The following LPP variants were observed in gnomAD, a reference collection of about 807,000 sequenced individuals.
The protein encoded by LPP is LIM domain containing preferred translocation partner in lipoma, also known as lipoma-preferred partner.
LPP carries 38 observed loss-of-function variants against 60.4 expected under a neutral mutation model. The ratio of observed to expected loss-of-function variants is 0.63; its 90% confidence interval spans 0.49 to 0.83. LPP has a LOEUF of 0.83. Among genes scored for constraint, LPP ranks in the 40% least tolerant of loss-of-function variants. The pLI is 0.00. For synonymous variants in LPP, 328 were observed against 290.8 expected (o/e 1.13, Z -1.30); for missense variants, 902 against 783.6 (o/e 1.15, Z -1.80).
chr3:188,738,253 G>A (rs996565608), intron 8 of LPP, among the ~76,000 whole-genome samples: 4 of 152,012 alleles, frequency 2.6e-5, no homozygotes, highest in African/African-American at 9.7e-5. Flanking sequence ...ACTCCTTTGC[G>A]AAAACAACAA....
intron 8 of LPP, among the ~76,000 whole-genome samples, chr3:188,720,471 A>G (rs1226302651): frequency 6.6e-6 from 1 of 152,182 alleles, no homozygotes; most frequent in Non-Finnish European, 1.5e-5. Flanking sequence ...ATGCTGAAAT[A>G]GTTCATGAGA....
intron 9 of LPP, among the ~76,000 whole-genome samples, chr3:188,837,703 C>T (rs1440534710): frequency 1.3e-5 from 2 of 152,060 alleles, no homozygotes; most frequent in African/African-American, 4.8e-5. Context: ...ACCTTGCTTT[C>T]CAGAATCTTT....
Position 188,352,844 on chromosome 3 carries a change from C to T in LPP, c.-10+11125C>T, listed in dbSNP as rs972884951. On this transcript the variant is annotated intron_variant, in intron 3 of 11. Transcript: ENST00000617246. This position sits in a 1 kb window ranked among gnomAD's most constrained non-coding sequence, Gnocchi z 4.4. ...GAGTAACTCAGTGCAGAGGCAGCGA[C>T]GGGAAAGTGAAGGAGAGTAAGAAGC... Among the ~76,000 whole-genome samples the T allele has an allele frequency of 2.0e-5, 3 of 152,136 alleles. No homozygotes were observed. The highest frequency in any genetic ancestry group is 4.4e-5 in the Non-Finnish European group (3 of 68,030).
At chr3:188,191,666 CA>C (rs1354156610) in intron 1 of LPP, among the ~76,000 whole-genome samples, 1 of 152,140 alleles carries the variant, frequency 6.6e-6, no homozygotes, top group African/African-American at 2.4e-5. Context: ...CACTGTGAGC[CA>C]GGTGGTGGCT....
At chr3:188,482,894 G>T (rs544549171) in intron 4 of LPP, among the ~76,000 whole-genome samples, 4 of 152,236 alleles carry the variant, frequency 2.6e-5, no homozygotes, top group Non-Finnish European at 5.9e-5. Context: ...CAAAGGCATC[G>T]ATCACACAGG....
intron 1 of LPP, among the ~76,000 whole-genome samples, chr3:188,154,736 AAGC>A (rs1478631134): frequency 1.3e-5 from 2 of 152,156 alleles, no homozygotes; most frequent in Admixed American, 6.5e-5. Context: ...CCCTTTCTCT[AAGC>A]ATTTCTCTAG....
At chr3:188,305,550 T>C (rs146246578) in intron 2 of LPP, among the ~76,000 whole-genome samples, 96 of 152,300 alleles carry the variant, frequency 6.3e-4, no homozygotes, top group Admixed American at 1.2e-3. Context: ...CTTGGTCTTC[T>C]ATTTCAGTTG....
At chr3:188,303,681 G>A (rs13061167) in intron 2 of LPP, among the ~76,000 whole-genome samples, 18,352 of 151,604 alleles carry the variant, frequency 0.12, 1,558 homozygotes, top group East Asian at 0.35. Flanking sequence ...CAGGGCACTT[G>A]TGGTGAATAA....
chr3:188,250,962 C>G, intron 2 of LPP, among the ~76,000 whole-genome samples: 1 of 32,680 alleles, frequency 3.1e-5, no homozygotes, highest in East Asian at 9.1e-4. Context: ...CCCTTCCCTT[C>G]CCTTCCCTTC....
Position 188,251,657 on chromosome 3 carries a change from A to C in LPP, c.-67+26130A>C, listed in dbSNP as rs188997627. On this transcript the variant is annotated intron_variant, in intron 2 of 11. Coordinates refer to ENST00000617246, the MANE Select transcript of LPP (RefSeq NM_001375462.1). ...AAAACAAATCTGTGAAAAAGAGTTG[A>C]GGATTTGCTTATGGTGCTCCTCCTT... Among the ~76,000 whole-genome samples, 4 of 152,232 alleles carry C rather than the reference A, an allele frequency of 2.6e-5. No homozygotes were observed. In the East Asian group the frequency reaches 7.7e-4, roughly 29 times the overall value.
chr3:188,627,912 A>T (rs1339771717), intron 7 of LPP, among the ~76,000 whole-genome samples: 2 of 152,132 alleles, frequency 1.3e-5, no homozygotes, highest in Admixed American at 6.5e-5. Context: ...CATACCAACC[A>T]CATTCTCAGA....
At chr3:188,614,616 G>A (rs978328060) in intron 7 of LPP, among the ~76,000 whole-genome samples, 3 of 152,188 alleles carry the variant, frequency 2.0e-5, no homozygotes, top group Non-Finnish European at 2.9e-5. Flanking sequence ...AAAGCCCAGT[G>A]ATGAGAGCCA....
At chr3:188,311,410 C>T (rs1008558452) in intron 2 of LPP, among the ~76,000 whole-genome samples, 3 of 152,014 alleles carry the variant, frequency 2.0e-5, no homozygotes, top group African/African-American at 7.3e-5. Flanking sequence ...GAGTTCAAGG[C>T]TGCAGTGAGC....
chr3:188,265,237 C>T (rs545272664), intron 2 of LPP, among the ~76,000 whole-genome samples: 65 of 152,090 alleles, frequency 4.3e-4, no homozygotes, highest in Admixed American at 7.2e-4. Flanking sequence ...TTGAGTTTAT[C>T]GCTAAAGATG....
At chr3:188,575,007 T>C (rs1834305017) in intron 6 of LPP, among the ~76,000 whole-genome samples, 1 of 152,070 alleles carries the variant, frequency 6.6e-6, no homozygotes, top group South Asian at 2.1e-4. Flanking sequence ...TATTTACAGC[T>C]ATGAAACATT....
rs796527201 is a variant in LPP, at chr3:188,507,471, AT to A, written c.307-17182del. Among the ~76,000 whole-genome samples the A allele has an allele frequency of 3.0e-3, 444 of 146,748 alleles. 1 individual carries two copies. The highest frequency in any genetic ancestry group is 8.0e-3 in the African/African-American group (321 of 40,350). On this transcript the variant is annotated intron_variant, in intron 5 of 11. Transcript: ENST00000617246. Reference sequence around the variant, plus strand: ...AAAGGGGGAAAAAATAAATATGGGAATTTTTTTTTTTTGTAGTGAAAATAGT... The same window carrying A: ...AAAGGGGGAAAAAATAAATATGGGAATTTTTTTTTTTGTAGTGAAAATAGT...
At chr3:188,578,796 ACACAACACATTGGCTAGCAGAGGAGCC>A (rs1172983399) in intron 6 of LPP, among the ~76,000 whole-genome samples, 1 of 152,078 alleles carries the variant, frequency 6.6e-6, no homozygotes, top group Non-Finnish European at 1.5e-5. Flanking sequence ...CTGCTATTAC[ACACAACACATTGGCTAGCAGAGGAGCC>A]AGGATTCAGC....
At chr3:188,521,206 T>C (rs1187099378) in intron 5 of LPP, among the ~76,000 whole-genome samples, 2 of 152,180 alleles carry the variant, frequency 1.3e-5, no homozygotes, top group Non-Finnish European at 1.5e-5. Flanking sequence ...TCCCCTGTTA[T>C]CCAGTTTTTG....
At position 188,650,835 on chromosome 3, in the gene LPP, A is replaced by C. The variant is rs561289133; in HGVS notation, c.1113+40991A>C. 2.6e-5 allele frequency among the ~76,000 whole-genome samples: 4 copies of C among 152,270 alleles called. No individual in the cohort carries two copies. In the East Asian group the frequency reaches 7.7e-4, roughly 29 times the overall value. On this transcript the variant is annotated intron_variant, in intron 7 of 11. Transcript: ENST00000617246. ...CTGCTGTGTTTGTAAATAAAGTTTT[A>C]TTGGAATTCAGTCACGCCCATTTGC...
Sources: allele counts gnomAD v4.1 joint callset (sites outside exome capture counted in the v4.1 genomes callset), GRCh38; gene constraint gnomAD v4.1.1; non-coding constraint Gnocchi (gnomAD v3.1); transcripts MANE v1.5; gene names NCBI Gene and HGNC (gene_info 2026-07-23, HGNC 2026-07-21).